Variants in HMGXB3 observed in about 807,000 individuals in gnomAD.
HMGXB3 encodes HMG-box containing 3, also known as HMG domain-containing protein 3.
Under a neutral mutation model 121.5 loss-of-function variants are expected in HMGXB3, and 45 were observed. That is an observed-to-expected ratio of 0.37 (90% CI 0.29 to 0.47). HMGXB3 has a LOEUF of 0.47. Ranked by LOEUF, HMGXB3 falls within the 20% of genes least tolerant of loss-of-function variation. HMGXB3 has a pLI of 0.99. For missense variants in HMGXB3, 1,376 were observed against 1,602.2 expected (o/e 0.86, Z 2.41); for synonymous variants, 590 against 624.1 (o/e 0.95, Z 0.81).
intron 6 of HMGXB3, among the ~76,000 whole-genome samples, chr5:150,019,584 T>G (rs183683873): frequency 6.6e-6 from 1 of 152,168 alleles, no homozygotes; most frequent in Non-Finnish European, 1.5e-5. Context: ...GGCAGTAAAT[T>G]CTCACCTAGT....
At chr5:150,032,008 C>T (rs760828205) in intron 10 of HMGXB3, among the ~76,000 whole-genome samples, 1 of 152,020 alleles carries the variant, frequency 6.6e-6, no homozygotes, top group Non-Finnish European at 1.5e-5. Flanking sequence ...AGTAGACCCT[C>T]TCTTCTGCTG....
At chr5:150,011,611 T>TG (rs903388728) in intron 4 of HMGXB3, among the ~76,000 whole-genome samples, 4 of 150,040 alleles carry the variant, frequency 2.7e-5, no homozygotes, top group African/African-American at 9.9e-5. Flanking sequence ...TTGGTTTTTT[T>TG]TTTTTTTTTT....
intron 15 of HMGXB3, among the ~76,000 whole-genome samples, chr5:150,042,813 T>C (rs1756668823): frequency 6.6e-6 from 1 of 152,218 alleles, no homozygotes; most frequent in Admixed American, 6.5e-5. Context: ...GATGGCTTCA[T>C]AGATTAATTA....
intron 5 of HMGXB3, among the ~76,000 whole-genome samples, chr5:150,016,917 A>G (rs1377105043): frequency 1.3e-5 from 2 of 152,158 alleles, no homozygotes; most frequent in Non-Finnish European, 2.9e-5. Flanking sequence ...TAAAGTACAT[A>G]TTTTTAACTT....
intron 7 of HMGXB3, 32 bp downstream of exon 7, chr5:150,024,712 T>C: frequency 6.8e-7 from 1 of 1,465,798 alleles, no homozygotes; most frequent in Non-Finnish European, 9.1e-7. Flanking sequence ...ATATAGGGCT[T>C]TGGAAATGCC....
chr5:150,047,307 A>T (rs1370937181), intron 16 of HMGXB3, among the ~76,000 whole-genome samples: 1 of 152,096 alleles, frequency 6.6e-6, no homozygotes, highest in Non-Finnish European at 1.5e-5. Flanking sequence ...TTTCTTATTG[A>T]TGCAGTCATG....
chr5:150,037,220 A>T (rs894328423), intron 12 of HMGXB3, among the ~76,000 whole-genome samples, 180 bp from the exon 13 acceptor site: 1 of 152,242 alleles, frequency 6.6e-6, no homozygotes, highest in African/African-American at 2.4e-5. Context: ...ATTATGTAAT[A>T]AATTCAGAGT....
At position 150,024,436 on chromosome 5, in the gene HMGXB3, C is replaced by G; in HGVS notation, c.1216C>G (p.Pro406Ala). ...AAGCCAGCTCCTGAACGTAGCTCCT[C>G]CCAGAGAAGTAGGTGAGGAGAGTGA... ...AVSQLLNVAP[P>A]REVGEESEWE... Residue 406 changes from proline to alanine, a missense_variant, in exon 7 of 20, where the codon CCC (proline) becomes GCC (alanine). This residue lies in a region of HMGXB3 where 1,116 missense variants were observed against 1,369.0 expected (regional missense o/e 0.82). Transcript: ENST00000502717. The G allele has an allele frequency of 5.2e-6, 8 of 1,551,700 alleles. No individual in the cohort carries two copies. Among genetic ancestry groups the G allele is most frequent in the Non-Finnish European group, 7.0e-6 (8 of 1,146,998 alleles).
At position 150,053,111 on chromosome 5, in the gene HMGXB3, A is replaced by G. The variant is rs1353944375; in HGVS notation, c.*919A>G. 2 of 185,444 alleles carry G rather than the reference A, an allele frequency of 1.1e-5. No homozygotes were observed. The highest frequency in any genetic ancestry group is 6.2e-5 in the Admixed American group (1 of 16,022). 11.5% of individuals were successfully genotyped at this position (185,444 alleles called of 1,614,324 possible). ...TTCCCTCCCTCTTCCCCCAACAAGA[A>G]TAAAGTTTATTAAATTATCTGGTTT... On this transcript the variant is annotated 3_prime_UTR_variant, in exon 20 of 20. Coordinates refer to ENST00000502717, the MANE Select transcript of HMGXB3 (RefSeq NM_014983.3).
intron 13 of HMGXB3, among the ~76,000 whole-genome samples, chr5:150,039,487 GTT>G (rs1384027791): frequency 6.6e-6 from 1 of 151,598 alleles, no homozygotes; most frequent in Non-Finnish European, 1.5e-5. Context: ...ATTTTTTTAA[GTT>G]TATCAATTTT....
chr5:150,028,497 A>ATGTGTGTGTGTG, intron 9 of HMGXB3, among the ~76,000 whole-genome samples: 1 of 66,458 alleles, frequency 1.5e-5, no homozygotes, highest in African/African-American at 1.3e-4. Context: ...ATGTATATAT[A>ATGTGTGTGTGTG]TGTATGTATG....
At chr5:150,040,949 T>G in intron 14 of HMGXB3, 70 bp downstream of exon 14, 4 of 1,373,684 alleles carry the variant, frequency 2.9e-6, no homozygotes, top group Non-Finnish European at 3.9e-6. Flanking sequence ...TGATGGCATT[T>G]GGTTAAAAGA....
rs1341630263 is a variant in HMGXB3 at position 150,036,824 on chromosome 5, C to T, written c.2172C>T (p.Ser724=). 1 of 1,551,720 alleles carries T rather than the reference C, an allele frequency of 6.4e-7. No individual in the cohort carries two copies. Among genetic ancestry groups the T allele is most frequent in the Non-Finnish European group, 8.7e-7 (1 of 1,147,002 alleles). The change falls in exon 12 of 20, where the codon TCC becomes TCT. Residue 724 remains serine, a synonymous_variant. Transcript: ENST00000502717. Reference sequence around the variant, plus strand: ...TCAACAGCTCTCGACTTATCTTGTCCAACGTGAGTGAGGAGACAGTCACCA... The same window carrying T: ...TCAACAGCTCTCGACTTATCTTGTCTAACGTGAGTGAGGAGACAGTCACCA... The part of the protein sequence containing the change: ...HELNSSRLIL[S]NVSEETVTIE...
At chr5:150,013,690 T>C (rs1307397127) in intron 5 of HMGXB3, among the ~76,000 whole-genome samples, 5 of 152,256 alleles carry the variant, frequency 3.3e-5, no homozygotes, top group Non-Finnish European at 5.9e-5. Flanking sequence ...TTTAAAAATA[T>C]GTATAGGACT....
rs1756919401 is a variant in HMGXB3 at position 150,052,002 on chromosome 5, T to C, written c.3689T>C (p.Leu1230Pro). 6.4e-7 allele frequency: 1 copy of C among 1,551,896 alleles called. No homozygotes were observed. The highest frequency in any genetic ancestry group is 1.4e-5 in the African/African-American group (1 of 73,062). The change falls in exon 20 of 20, where the codon CTC becomes CCC. Residue 1230 changes from leucine to proline, a missense_variant. By Grantham distance (98) the Leu-to-Pro change is moderately conservative. Coordinates refer to ENST00000502717, the MANE Select transcript of HMGXB3 (RefSeq NM_014983.3). ...IAFDNATHYY[L>P]YNRLMDFLTS... ...TTCGACAATGCCACTCACTATTACC[T>C]CTACAACCGCCTCATGGACTTCCTC...
chr5:150,026,720 C>G lies in HMGXB3; in HGVS notation c.1475C>G (p.Thr492Ser). The G allele has an allele frequency of 6.4e-7, 1 of 1,550,654 alleles. No homozygotes were observed. The highest frequency in any genetic ancestry group is 8.7e-7 in the Non-Finnish European group (1 of 1,146,682). Residue 492 changes from threonine to serine, a missense_variant, in exon 8 of 20, where the codon ACC becomes AGC. Physicochemically the swap from Thr to Ser is moderately conservative, Grantham distance 58. Coordinates refer to ENST00000502717, the MANE Select transcript of HMGXB3 (RefSeq NM_014983.3). Reference protein sequence around the residue: ...PKKPTGADLLTPGSRAPELKG... With the variant: ...PKKPTGADLLSPGSRAPELKG... ...ATTCTTTTCAGAGCTGACCTGCTTA[C>G]CCCTGGGTCCAGAGCTCCAGAGCTT...
At chr5:150,021,619 G>A (rs1187396434) in intron 6 of HMGXB3, 1 of 514,042 alleles carries the variant, frequency 1.9e-6, no homozygotes, top group Non-Finnish European at 3.8e-6. Context: ...AGTACTGATG[G>A]AAGTAATTTG....
Position 150,024,559 on chromosome 5 carries a change from G to C in HMGXB3, c.1339G>C (p.Gly447Arg), listed in dbSNP as rs1756178219. The change falls in exon 7 of 20, where the codon GGT (glycine) becomes CGT (arginine). Residue 447 changes from glycine (G) to arginine (R), a missense_variant. Gly to Arg is a moderately radical substitution (Grantham distance 125, BLOSUM62 -2). Coordinates refer to ENST00000502717, the MANE Select transcript of HMGXB3 (RefSeq NM_014983.3). ...CACTAAGACGCCAGTCGTCAAAAGTGGTGTGCAGCCTGAGGTCACTCTGGG... is the reference window on the plus strand; with the variant it reads ...CACTAAGACGCCAGTCGTCAAAAGTCGTGTGCAGCCTGAGGTCACTCTGGG... ...AVTKTPVVKS[G>R]VQPEVTLGTT... 1.3e-6 allele frequency: 2 copies of C among 1,551,732 alleles called. No individual in the cohort carries two copies. Among genetic ancestry groups the C allele is most frequent in the Non-Finnish European group, 1.7e-6 (2 of 1,147,010 alleles).
chr5:150,014,375 T>C (rs752394337), intron 5 of HMGXB3, among the ~76,000 whole-genome samples: 4 of 152,248 alleles, frequency 2.6e-5, no homozygotes, highest in African/African-American at 4.8e-5. Flanking sequence ...AACAGAGAAT[T>C]CTTTACGTTT....
Sources: allele counts gnomAD v4.1 joint callset (sites outside exome capture counted in the v4.1 genomes callset), GRCh38; gene constraint gnomAD v4.1.1; regional missense constraint gnomAD v4.1.1; transcripts MANE v1.5; gene names NCBI Gene and HGNC (gene_info 2026-07-23, HGNC 2026-07-21).